The following PDXDC1 variants were observed in gnomAD, a reference collection of about 807,000 sequenced individuals.
PDXDC1 encodes pyridoxal-dependent decarboxylase domain-containing protein 1.
In PDXDC1, 42 loss-of-function variants were observed where a neutral mutation model predicts 100.1. That is an observed-to-expected ratio of 0.42 (90% CI 0.33 to 0.54). The LOEUF (loss-of-function observed/expected upper bound fraction) is 0.54. Among genes scored for constraint, PDXDC1 ranks in the 20% least tolerant of loss-of-function variants. The pLI, the probability that PDXDC1 is intolerant of heterozygous loss-of-function variation, is 0.10. For synonymous variants in PDXDC1, 260 were observed against 371.7 expected, an observed-to-expected ratio of 0.70 and a Z score of 3.46; for missense variants, 636 against 979.2, an observed-to-expected ratio of 0.65 and a Z score of 4.68.
chr16:15,042,978 G>A (rs1053594667), downstream of PDXDC1, among the ~76,000 whole-genome samples: 5 of 148,424 alleles, frequency 3.4e-5, no homozygotes, highest in African/African-American at 5.0e-5. Context: ...TCAGCTCACC[G>A]CAACCTATAC....
At chr16:15,146,509 G>C in the PDXDC1 span, among the ~76,000 whole-genome samples, 1 of 152,116 alleles carries the variant, frequency 6.6e-6, no homozygotes, top group Non-Finnish European at 1.5e-5. Context: ...CGCGTCAAAA[G>C]GCACCAATGG....
downstream of PDXDC1, chr16:15,040,056 A>G (rs1167279556): frequency 6.3e-7 from 1 of 1,598,296 alleles, no homozygotes; most frequent in East Asian, 2.2e-5. Context: ...CTGCAGTCTT[A>G]ATGTTGACAG....
chr16:14,984,495 A>ATATATATATATATTT (rs1555542734), intron 1 of PDXDC1, among the ~76,000 whole-genome samples: 1 of 73,486 alleles, frequency 1.4e-5, no homozygotes, highest in Non-Finnish European at 2.4e-5. Context: ...ATATATATAT[A>ATATATATATATATTT]TTTTTTTTTT....
chr16:15,034,770 C>T (rs972053763), intron 21 of PDXDC1, among the ~76,000 whole-genome samples: 2 of 152,238 alleles, frequency 1.3e-5, no homozygotes, highest in Non-Finnish European at 2.9e-5. Context: ...GCTACCCACT[C>T]TCCACAGCTG....
At chr16:15,029,725 T>C (rs1270904852) in intron 15 of PDXDC1, 2 of 575,852 alleles carry the variant, frequency 3.5e-6, no homozygotes, top group South Asian at 2.4e-5. Context: ...TTCTTCTTTT[T>C]GTTTACTTGT....
chr16:15,054,706 T>G (rs1250930764), intron 16 of PDXDC1, among the ~76,000 whole-genome samples: 1 of 152,162 alleles, frequency 6.6e-6, no homozygotes, highest in Non-Finnish European at 1.5e-5. Flanking sequence ...GTGACCTCAT[T>G]TATGCAGCAA....
In PDXDC1 at chr16:15,034,183, A is replaced by T. The variant is rs2043250268; in HGVS notation, c.1813-103A>T. ...CGCCGGCTTTTCAATGCAGGATTTC[A>T]TTGACCTGCTTTTGAAAAATTCCCT... On this transcript the variant is annotated intron_variant, in intron 19 of 22. Transcript: ENST00000396410. The T allele has an allele frequency of 7.4e-6, 7 of 942,252 alleles. No homozygotes were observed. In the African/African-American group the frequency reaches 1.2e-4, roughly 16 times the overall value. 58.4% of individuals were successfully genotyped at this position (942,252 alleles called of 1,614,324 possible).
chr16:15,144,499 G>T, the PDXDC1 span, among the ~76,000 whole-genome samples: 1 of 152,074 alleles, frequency 6.6e-6, no homozygotes, highest in Non-Finnish European at 1.5e-5. Context: ...AGGGGTGGGG[G>T]TTGCAGCCTC....
chr16:15,010,156 C>T (rs2041137277), intron 8 of PDXDC1, among the ~76,000 whole-genome samples: 1 of 152,276 alleles, frequency 6.6e-6, no homozygotes, highest in African/African-American at 2.4e-5. Flanking sequence ...AAGTGTTTCT[C>T]CTGCCTCAAC....
chr16:15,031,627 A>G, intron 16 of PDXDC1, 108 bp from the exon 17 acceptor site: 4 of 870,234 alleles, frequency 4.6e-6, no homozygotes, highest in African/African-American at 1.7e-5. Flanking sequence ...GCTCCCGGTA[A>G]CTGGAGTACC....
chr16:15,031,337 G>T (rs947437272), intron 16 of PDXDC1, among the ~76,000 whole-genome samples: 2 of 152,124 alleles, frequency 1.3e-5, no homozygotes, highest in African/African-American at 4.8e-5. Flanking sequence ...TGTCCTTCCT[G>T]TGTGGGGACA....
At chr16:15,028,844 TG>T (rs2151615117) in intron 14 of PDXDC1, 33 bp from the exon 15 acceptor site, 1 of 1,604,892 alleles carries the variant, frequency 6.2e-7, no homozygotes, top group Non-Finnish European at 8.5e-7. Flanking sequence ...GCCGTGTTTC[TG>T]GGAGTGACTC....
chr16:15,054,304 G>C (rs1230213361), intron 16 of PDXDC1, among the ~76,000 whole-genome samples: 2 of 152,208 alleles, frequency 1.3e-5, no homozygotes, highest in Non-Finnish European at 2.9e-5. Flanking sequence ...TCTAGGACAT[G>C]TCTTCTTAAA....
intron 16 of PDXDC1, chr16:15,060,009 AAC>A (rs1491060283): frequency 2.3e-4 from 41 of 176,436 alleles, no homozygotes; most frequent in East Asian, 5.1e-4. Flanking sequence ...AAAAAAAAAA[AAC>A]AAAACAGAAA....
intron 12 of PDXDC1, among the ~76,000 whole-genome samples, chr16:15,020,999 C>A (rs2042158698): frequency 6.6e-6 from 1 of 152,254 alleles, no homozygotes; most frequent in Non-Finnish European, 1.5e-5. Flanking sequence ...CACACACACA[C>A]ACACACACAC....
the PDXDC1 span, among the ~76,000 whole-genome samples, chr16:15,146,930 C>G: frequency 6.6e-6 from 1 of 152,094 alleles, no homozygotes; most frequent in Non-Finnish European, 1.5e-5. Context: ...GGCTGAGAGA[C>G]TGGACCAAGG....
At chr16:14,991,305 G>C (rs1239980157) in intron 1 of PDXDC1, among the ~76,000 whole-genome samples, 3 of 143,296 alleles carry the variant, frequency 2.1e-5, no homozygotes, top group Non-Finnish European at 4.6e-5. Context: ...GTGTGTGTGT[G>C]TATTTGTTGT....
At position 15,082,336 on chromosome 16, in the gene PDXDC1, G is replaced by C. The variant is rs187625581; in HGVS notation, c.1399+52280G>C. On this transcript the variant is annotated intron_variant, in intron 16 of 16. Coordinates refer to the PDXDC1 transcript ENST00000535621. ...GATGATTATGTGGTTTTTGTCCTTT[G>C]TTCTATTGCTACAAAATATTTTATT... Among the ~76,000 whole-genome samples, 22 of 151,936 alleles carry C rather than the reference G, an allele frequency of 1.4e-4. No homozygotes were observed. In the East Asian group the frequency reaches 4.1e-3, roughly 28 times the overall value.
intron 16 of PDXDC1, chr16:15,132,705 T>C (rs2048165246): frequency 2.2e-6 from 2 of 900,256 alleles, no homozygotes; most frequent in African/African-American, 1.7e-5. Context: ...GGGGTGAGCA[T>C]GTGGGGCCAT....
Sources: gnomAD v4.1 joint callset for allele counts (sites outside exome capture counted in the v4.1 genomes callset) on GRCh38, gnomAD v4.1.1 for gene constraint, MANE v1.5 for transcripts, NCBI Gene and HGNC (gene_info 2026-07-23, HGNC 2026-07-21) for gene names.